The following TTN variants were observed in gnomAD, a reference collection of about 807,000 sequenced individuals.
TTN encodes the protein titin.
TTN carries 1,525 observed loss-of-function variants against 3,223.0 expected under a neutral mutation model. That is an observed-to-expected ratio of 0.47 (90% confidence interval 0.45 to 0.49). TTN has a LOEUF of 0.49. TTN is among the 20% of genes least tolerant of loss of function. The probability of loss-of-function intolerance (pLI) is 0.00; values close to 1 mark genes in which losing one functional copy is unlikely to be tolerated. For missense variants in TTN, 40,786 were observed against 43,424.0 expected (o/e 0.94, Z 5.40); for synonymous variants, 14,094 against 15,161.0 (o/e 0.93, Z 5.17).
chr2:178,730,021 T>TCCGC, intron 62 of TTN, 72 bp downstream of exon 62: 6 of 1,558,040 alleles, frequency 3.9e-6, no homozygotes, highest in Non-Finnish European at 5.3e-6. Context: ...GTCTTAAGCG[T>TCCGC]CCCCCGCCCC....
At chr2:178,803,880 A>G (rs2094186992) in intron 2 of TTN, among the ~76,000 whole-genome samples, 1 of 152,172 alleles carries the variant, frequency 6.6e-6, no homozygotes, top group Non-Finnish European at 1.5e-5. Flanking sequence ...TGAGGAAGAA[A>G]AAGAAGGCAA....
chr2:178,730,820 A>C (rs2080329029), intron 60 of TTN, 28 bp from the exon 61 acceptor site: 1 of 1,542,958 alleles, frequency 6.5e-7, no homozygotes, highest in South Asian at 1.3e-5. Context: ...AAACAACAAC[A>C]AAAAAAGGTC....
intron 147 of TTN, 122 bp downstream of exon 147, chr2:178,677,079 G>A: frequency 4.0e-6 from 2 of 498,796 alleles, no homozygotes; most frequent in Non-Finnish European, 5.8e-6. Flanking sequence ...ATCGTTAGAA[G>A]TAAATATGTA....
intron 111 of TTN, among the ~76,000 whole-genome samples, chr2:178,699,505 A>G (rs376533318): frequency 1.0e-4 from 13 of 125,950 alleles, no homozygotes; most frequent in Admixed American, 1.9e-4. Context: ...TCCGCCTCCC[A>G]GGTCCACACC....
chr2:178,787,879 T>C (rs1385511676), intron 13 of TTN, among the ~76,000 whole-genome samples: 2 of 152,082 alleles, frequency 1.3e-5, no homozygotes, highest in Non-Finnish European at 2.9e-5. Context: ...ATCTCTCACA[T>C]GTTTGTAACC....
At chr2:178,606,573 C>T (rs2054879538) in intron 278 of TTN, among the ~76,000 whole-genome samples, 1 of 151,972 alleles carries the variant, frequency 6.6e-6, no homozygotes, top group African/African-American at 2.4e-5. Context: ...TGGTTTTGGG[C>T]CTCTCTATCC....
chr2:178,671,849 T>G lies in TTN; in HGVS notation c.35227+122A>C. 3 of 1,057,352 alleles carry G rather than the reference T, an allele frequency of 2.8e-6. No individual in the cohort carries two copies. The South Asian group carries it at 4.6e-5, about 16-fold the overall frequency. 65.5% of individuals were successfully genotyped at this position (1,057,352 alleles called of 1,614,324 possible). A position where few individuals can be genotyped will look rare whatever the true frequency, so the allele number is the denominator to read the frequency against. Reference sequence around the variant, plus strand: ...ATATTAATCTTTGTGTCAACTAGTTTAAACTCATGTTTAAAGTATTTCATG... The same window carrying G: ...ATATTAATCTTTGTGTCAACTAGTTGAAACTCATGTTTAAAGTATTTCATG... On this transcript the variant is annotated intron_variant, in intron 155 of 362. Coordinates refer to ENST00000589042, the MANE Select transcript of TTN (RefSeq NM_001267550.2).
intron 240 of TTN, among the ~76,000 whole-genome samples, chr2:178,626,399 G>C (rs990869819): frequency 4.6e-5 from 7 of 151,922 alleles, no homozygotes; most frequent in African/African-American, 1.7e-4. Context: ...TAAGAGACTT[G>C]GGGGTTCTTC....
At position 178,715,690 on chromosome 2, in the gene TTN, C is replaced by T; in HGVS notation, c.25724G>A (p.Gly8575Glu). 1 of 1,610,748 alleles carries T rather than the reference C, an allele frequency of 6.2e-7. No individual in the cohort carries two copies. Residue 8575 changes from glycine (G) to glutamate (E), a missense_variant, in exon 89 of 363, where the codon GGG becomes GAG. Transcript: ENST00000589042. ...EFTRYECKIG[G>E]SPEIKVLWYK... ...CCATAAAACTTTGATTTCTGGAGACCCACCGATTTTGCATTCATACCTTGT... is the reference window on the plus strand; with the variant it reads ...CCATAAAACTTTGATTTCTGGAGACTCACCGATTTTGCATTCATACCTTGT...
chr2:178,599,568 C>T lies in TTN; in HGVS notation c.56333G>A (p.Arg18778Lys). 6.3e-7 allele frequency: 1 copy of T among 1,576,070 alleles called. No homozygotes were observed. The highest frequency in any genetic ancestry group is 8.6e-7 in the Non-Finnish European group (1 of 1,160,714). ...NNLGTASKEM[R>K]LNVLGRPGPP... is the part of the protein sequence containing the mutation. Reference sequence around the variant, plus strand: ...GCAGTCTTTACCCAGGACATTCAGTCTCATCTCCTTTGATGCTGTTCCCAG... The same window carrying T: ...GCAGTCTTTACCCAGGACATTCAGTTTCATCTCCTTTGATGCTGTTCCCAG... The change falls in exon 289 of 363, where the codon AGA (arginine) becomes AAA (lysine). Residue 18778 changes from arginine to lysine, a missense_variant. Coordinates refer to ENST00000589042, the MANE Select transcript of TTN (RefSeq NM_001267550.2).
intron 29 of TTN, 83 bp from the exon 30 acceptor site, chr2:178,774,556 T>G (rs2091971728): frequency 1.5e-6 from 2 of 1,353,952 alleles, no homozygotes; most frequent in Non-Finnish European, 2.1e-6. Flanking sequence ...GTCTTGTATG[T>G]CTTTTATCTC....
At chr2:178,805,033 CAT>C (rs1364038153) in intron 1 of TTN, among the ~76,000 whole-genome samples, 3 of 152,152 alleles carry the variant, frequency 2.0e-5, no homozygotes, top group South Asian at 2.1e-4. Context: ...AGAGACAAGA[CAT>C]GTGATAAATG....
At position 178,652,339 on chromosome 2, in the gene TTN, C is replaced by A. The variant is rs2063163015; in HGVS notation, c.39136G>T (p.Ala13046Ser). The change falls in exon 203 of 363, where the codon GCT becomes TCT. Residue 13046 changes from alanine to serine, a missense_variant. Transcript: ENST00000589042. ...PEVTPVKVPE[A>S]PKEVVPEKKV... ...TTTTCAGGAACAACTTCTTTGGGAG[C>A]CTCAGGCACTTGAAAGATAATAGTG... The A allele has an allele frequency of 2.5e-6, 4 of 1,613,638 alleles. No homozygotes were observed. The highest frequency in any genetic ancestry group is 2.2e-5 in the East Asian group (1 of 44,858).
At position 178,795,246 on chromosome 2, in the gene TTN, C is replaced by A. The variant is rs879087065; in HGVS notation, c.921G>T (p.Val307=). The A allele has an allele frequency of 2.5e-6, 4 of 1,614,054 alleles. No homozygotes were observed. The South Asian group carries it at 4.4e-5, about 18-fold the overall frequency. The part of the protein sequence containing the change: ...RAPTPSPVRS[V]SPAARISTSP... ...ATGTGGAGATTCTTGCTGCTGGAGA[C>A]ACGGACCTGAAAACCAAAAGGCAGA... The change falls in exon 7 of 363, where the codon GTG becomes GTT. Residue 307 remains valine (V), a synonymous_variant. Coordinates refer to ENST00000589042, the MANE Select transcript of TTN (RefSeq NM_001267550.2).
At chr2:178,681,014 A>G in intron 138 of TTN, 65 bp downstream of exon 138, 3 of 1,301,624 alleles carry the variant, frequency 2.3e-6, no homozygotes, top group Non-Finnish European at 3.2e-6. Flanking sequence ...GAAATGAATC[A>G]TAGTTACATT....
intron 47 of TTN, chr2:178,749,599 T>C: frequency 6.2e-7 from 1 of 1,612,034 alleles, no homozygotes; most frequent in Non-Finnish European, 8.5e-7. Flanking sequence ...TGGAATATTT[T>C]CCATAAATTT....
chr2:178,582,281 G>A lies in TTN; in HGVS notation c.66160+15C>T, dbSNP rs377288086. The A allele has an allele frequency of 2.5e-4, 393 of 1,577,548 alleles. 4 individuals carry two copies. In the South Asian group the frequency reaches 4.0e-3, roughly 16 times the overall value. The stretch of plus-strand genomic sequence containing the variant: ...TTAAAAAATAAAATGAAAAACCACC[G>A]GGAAATGTTCCTACCATATGGGTTT... On this transcript the variant is annotated intron_variant, in intron 314 of 362. Transcript: ENST00000589042.
Position 178,777,822 on chromosome 2 carries a change from T to A in TTN, c.4362A>T (p.Leu1454=). The A allele has an allele frequency of 6.2e-7, 1 of 1,614,058 alleles. No homozygotes were observed. Among genetic ancestry groups the A allele is most frequent in the Non-Finnish European group, 8.5e-7 (1 of 1,179,946 alleles). ...GTTTTAACACAAAGACTGGTTTATA[T>A]AGTCTCTCAAGTTGTGACTCATCTG... ...EETDESQLER[L]YKPVFVLKPV... The change falls in exon 25 of 363, where the codon CTA becomes CTT. Residue 1454 remains leucine (L), a synonymous_variant. Transcript: ENST00000589042.
intron 292 of TTN, 147 bp downstream of exon 292, chr2:178,598,359 A>T: frequency 1.3e-5 from 13 of 1,029,362 alleles, no homozygotes; most frequent in African/African-American, 1.6e-5. Flanking sequence ...TCTGACATTA[A>T]CAGATGTTTG....
Sources: gnomAD v4.1 joint callset for allele counts (sites outside exome capture counted in the v4.1 genomes callset) on GRCh38, gnomAD v4.1.1 for gene constraint, MANE v1.5 for transcripts, NCBI Gene and HGNC (gene_info 2026-07-23, HGNC 2026-07-21) for gene names.